The following DENND5B variants were observed in gnomAD, a reference collection of about 807,000 sequenced individuals.
The protein encoded by DENND5B is DENN domain-containing protein 5B.
In DENND5B, 34 loss-of-function variants were observed where a neutral mutation model predicts 140.6. That is an observed-to-expected ratio of 0.24 (90% CI 0.18 to 0.32). The LOEUF (loss-of-function observed/expected upper bound fraction) is 0.32. Among genes scored for constraint, DENND5B ranks in the 10% least tolerant of loss-of-function variants. The pLI is 1.00. For missense variants in DENND5B, 1,142 were observed against 1,560.2 expected, an observed-to-expected ratio of 0.73 and a Z score of 4.52; for synonymous variants, 551 against 562.1, an observed-to-expected ratio of 0.98 and a Z score of 0.28.
intron 1 of DENND5B, among the ~76,000 whole-genome samples, chr12:31,572,656 TA>T (rs1309524424): frequency 6.6e-6 from 1 of 151,998 alleles, no homozygotes; most frequent in Non-Finnish European, 1.5e-5. Context: ...AAAAAGTATC[TA>T]AAAGGTGTTA....
intron 17 of DENND5B, among the ~76,000 whole-genome samples, chr12:31,397,589 T>C (rs936434013): frequency 7.4e-6 from 1 of 135,072 alleles, no homozygotes; most frequent in Admixed American, 8.0e-5. Flanking sequence ...GATATGGCTA[T>C]CTGGGAGTAC....
chr12:31,436,110 A>C (rs1413600293), intron 7 of DENND5B, among the ~76,000 whole-genome samples: 55 of 139,494 alleles, frequency 3.9e-4, no homozygotes, highest in Admixed American at 4.3e-4. Flanking sequence ...AAGCCCCCCC[A>C]CTTTTTTTTT....
chr12:31,529,124 C>T (rs1472669331), intron 1 of DENND5B, among the ~76,000 whole-genome samples: 2 of 140,674 alleles, frequency 1.4e-5, no homozygotes, highest in Non-Finnish European at 3.0e-5. Flanking sequence ...GATAGCGCCA[C>T]TAAACTCCAG....
At chr12:31,542,776 C>A (rs1454694787) in intron 1 of DENND5B, among the ~76,000 whole-genome samples, 1 of 151,992 alleles carries the variant, frequency 6.6e-6, no homozygotes, top group Non-Finnish European at 1.5e-5. Context: ...AGCAACATAG[C>A]AAAACCCCAT....
chr12:31,568,619 A>G (rs1949711211), intron 1 of DENND5B, among the ~76,000 whole-genome samples: 1 of 152,192 alleles, frequency 6.6e-6, no homozygotes, highest in African/African-American at 2.4e-5. Flanking sequence ...ACAAACTCTT[A>G]ACTTCTGCTG....
At chr12:31,579,978 AAT>A (rs563286660) in intron 1 of DENND5B, among the ~76,000 whole-genome samples, 162 of 149,276 alleles carry the variant, frequency 1.1e-3, no homozygotes, top group African/African-American at 3.5e-3. Context: ...TATATAAAAA[AAT>A]ATATATATAG....
chr12:31,447,951 C>A (rs561113952), intron 5 of DENND5B, among the ~76,000 whole-genome samples, 182 bp from the exon 6 acceptor site: 1 of 152,110 alleles, frequency 6.6e-6, no homozygotes, highest in African/African-American at 2.4e-5. Context: ...AGAGAATGTA[C>A]GTCACTTAGG....
chr12:31,469,323 A>C (rs1945429888), intron 3 of DENND5B, among the ~76,000 whole-genome samples: 1 of 117,270 alleles, frequency 8.5e-6, no homozygotes, highest in Admixed American at 1.0e-4. Context: ...ACAGAGACAG[A>C]CTCCATCTCA....
chr12:31,435,730 G>A (rs933579134), intron 7 of DENND5B, among the ~76,000 whole-genome samples: 15 of 151,782 alleles, frequency 9.9e-5, no homozygotes, highest in Admixed American at 2.0e-4. Context: ...GCAAGACCTC[G>A]GCTCACTGCA....
rs1390331125 is a variant in DENND5B at position 31,587,537 on chromosome 12, T to A, written c.127+3169A>T. Among the ~76,000 whole-genome samples the A allele has an allele frequency of 3.9e-4, 24 of 61,530 alleles. 1 individual carries two copies. The highest frequency in any genetic ancestry group is 1.9e-3 in the African/African-American group (23 of 12,418). The allele number at this position is 61,530 out of a possible 152,430, so 40.4% of individuals were successfully genotyped here. On this transcript the variant is annotated intron_variant, in intron 1 of 20. Transcript: ENST00000389082. ...CTCACCACAAATACCTTTTTTTTTT[T>A]TTTTTTTTTTTTTTTTTTTTTTTTT... is the stretch of plus-strand genomic sequence containing the variant.
chr12:31,495,929 AT>A lies in DENND5B; in HGVS notation c.128-11del. 6.4e-7 allele frequency: 1 copy of A among 1,574,760 alleles called. No homozygotes were observed. The highest frequency in any genetic ancestry group is 8.7e-7 in the Non-Finnish European group (1 of 1,152,354). ...TGGTCAAAATTTTCGCCTACAACAA[AT>A]AATACATAGTTAATATCTAGAACTT... On this transcript the variant is annotated splice_polypyrimidine_tract_variant and intron_variant, in intron 1 of 20. Transcript: ENST00000389082.
At chr12:31,392,120 CAG>C in intron 19 of DENND5B, 145 bp downstream of exon 19, 1 of 775,530 alleles carries the variant, frequency 1.3e-6, no homozygotes, top group Non-Finnish European at 1.8e-6. Flanking sequence ...GCTTGGGCAA[CAG>C]AGTAAGATTC....
chr12:31,542,894 T>C (rs867401290), intron 1 of DENND5B, among the ~76,000 whole-genome samples: 6 of 152,064 alleles, frequency 3.9e-5, no homozygotes, highest in Non-Finnish European at 4.4e-5. Flanking sequence ...AGGTGGAAGT[T>C]GCAGGGAGCC....
intron 17 of DENND5B, among the ~76,000 whole-genome samples, chr12:31,393,584 T>A (rs1475433764): frequency 6.6e-6 from 1 of 152,220 alleles, no homozygotes; most frequent in African/African-American, 2.4e-5. Context: ...AGTTCAGATT[T>A]TCTTGTAGTT....
At chr12:31,438,330 C>T (rs886418726) in intron 7 of DENND5B, among the ~76,000 whole-genome samples, 4 of 152,158 alleles carry the variant, frequency 2.6e-5, no homozygotes, top group Non-Finnish European at 5.9e-5. Flanking sequence ...AAAATTTTCT[C>T]AGCTCTTACC....
intron 12 of DENND5B, 109 bp from the exon 13 acceptor site, chr12:31,413,673 A>G: frequency 1.7e-6 from 2 of 1,190,596 alleles, no homozygotes; most frequent in South Asian, 2.1e-5. Context: ...ACTTAAAGGG[A>G]GCAATGGATA....
chr12:31,415,168 G>C (rs1375437398), intron 12 of DENND5B, among the ~76,000 whole-genome samples, 199 bp downstream of exon 12: 1 of 152,050 alleles, frequency 6.6e-6, no homozygotes, highest in African/African-American at 2.4e-5. Context: ...CTTCTCAGCT[G>C]CATCTTCCAT....
At chr12:31,450,248 C>T (rs1944453182) in intron 5 of DENND5B, among the ~76,000 whole-genome samples, 1 of 152,132 alleles carries the variant, frequency 6.6e-6, no homozygotes, top group African/African-American at 2.4e-5. Context: ...ACTTTGTTAC[C>T]ATGTTAGAAC....
At chr12:31,435,963 A>C (rs1464073545) in intron 7 of DENND5B, among the ~76,000 whole-genome samples, 1 of 151,924 alleles carries the variant, frequency 6.6e-6, no homozygotes, top group Non-Finnish European at 1.5e-5. Flanking sequence ...ATGCTCAGCT[A>C]ATTTTTGTAT....
Sources: allele counts gnomAD v4.1 joint callset (sites outside exome capture counted in the v4.1 genomes callset), GRCh38; gene constraint gnomAD v4.1.1; transcripts MANE v1.5; gene names NCBI Gene and HGNC (gene_info 2026-07-23, HGNC 2026-07-21).